PLPP1: variants seen among roughly 807,000 people sequenced by gnomAD.
The protein encoded by PLPP1 is lipid phosphate phosphohydrolase 1a.
A neutral mutation model predicts 31.2 loss-of-function variants in PLPP1; 24 were observed. The observed-to-expected ratio is 0.77, with a 90% confidence interval of 0.56 to 1.08. PLPP1 has a LOEUF of 1.08. Among genes scored for constraint, PLPP1 ranks in the 50% least tolerant of loss-of-function variants. The probability of loss-of-function intolerance (pLI) is 0.00; values close to 1 mark genes in which losing one functional copy is unlikely to be tolerated. For missense variants in PLPP1, 319 were observed against 342.7 expected, an observed-to-expected ratio of 0.93 and a Z score of 0.55; for synonymous variants, 146 against 126.3, an observed-to-expected ratio of 1.16 and a Z score of -1.05.
chr5:55,467,417 G>A lies in PLPP1; in HGVS notation c.491+452C>T, dbSNP rs572688898. On this transcript the variant is annotated intron_variant, in intron 3 of 5. Transcript: ENST00000307259. ...ATATTTACTATTGGCTGGGTGTGGT[G>A]GCTCATGCCTGTTACCCCAGCACTT... Among the ~76,000 whole-genome samples, 21 of 152,040 alleles carry A rather than the reference G, an allele frequency of 1.4e-4. No homozygotes were observed. In the East Asian group the frequency reaches 3.9e-3, roughly 28 times the overall value.
chr5:55,513,470 C>A (rs1422017959), intron 1 of PLPP1, among the ~76,000 whole-genome samples: 1 of 151,934 alleles, frequency 6.6e-6, no homozygotes, highest in Non-Finnish European at 1.5e-5. Context: ...CAGGGTTTCA[C>A]CATGTTGTCC....
chr5:55,476,190 G>GT (rs1752547463), intron 1 of PLPP1, among the ~76,000 whole-genome samples: 1 of 151,276 alleles, frequency 6.6e-6, no homozygotes. Flanking sequence ...TTGTTTGTTT[G>GT]TTTTTTAGTA....
At chr5:55,443,199 A>ATATATATATG (rs1751672922) in intron 3 of PLPP1, among the ~76,000 whole-genome samples, 1 of 124,336 alleles carries the variant, frequency 8.0e-6, no homozygotes, top group Non-Finnish European at 1.7e-5. Context: ...AAAAATATAT[A>ATATATATATG]TATATATATA....
intron 3 of PLPP1, among the ~76,000 whole-genome samples, chr5:55,458,916 A>AC (rs1752088206): frequency 6.8e-6 from 1 of 146,330 alleles, no homozygotes; most frequent in South Asian, 2.2e-4. Context: ...AAAAAAAAAA[A>AC]CACATAGCAA....
At chr5:55,434,439 T>A (rs1751444266) in intron 4 of PLPP1, among the ~76,000 whole-genome samples, 1 of 151,886 alleles carries the variant, frequency 6.6e-6, no homozygotes, top group Middle Eastern at 3.4e-3. Context: ...AATCCTAAAA[T>A]TCATACAGAA....
At chr5:55,506,153 A>C (rs1010695031) in intron 1 of PLPP1, among the ~76,000 whole-genome samples, 1 of 152,158 alleles carries the variant, frequency 6.6e-6, no homozygotes, top group Admixed American at 6.5e-5. Context: ...TGAAAAATAA[A>C]GGAAAAGACT....
intron 2 of PLPP1, among the ~76,000 whole-genome samples, chr5:55,473,238 G>T (rs1285074982): frequency 6.6e-6 from 1 of 152,160 alleles, no homozygotes; most frequent in Non-Finnish European, 1.5e-5. Context: ...TAGATTAAAA[G>T]AATACCTGAT....
At position 55,495,969 on chromosome 5, in the gene PLPP1, G is replaced by A. The variant is rs953780568; in HGVS notation, c.59-20519C>T. 7.9e-5 allele frequency among the ~76,000 whole-genome samples: 12 copies of A among 151,884 alleles called. 1 individual carries two copies. Among genetic ancestry groups the A allele is most frequent in the Non-Finnish European group, 2.9e-5 (2 of 67,956 alleles). ...GCCTCCCAGTTTCAAGTGATTCTCC[G>A]ACTTCAGCCTCCTGATTAGCTGGGA... On this transcript the variant is annotated intron_variant, in intron 1 of 5. Coordinates refer to ENST00000307259, the MANE Select transcript of PLPP1 (RefSeq NM_003711.4).
intron 3 of PLPP1, among the ~76,000 whole-genome samples, chr5:55,445,350 T>C (rs1255153465): frequency 6.6e-6 from 1 of 152,036 alleles, no homozygotes; most frequent in Admixed American, 6.6e-5. Flanking sequence ...ATAAAGCATA[T>C]CTTAATTTAG....
intron 4 of PLPP1, among the ~76,000 whole-genome samples, chr5:55,439,598 C>T (rs1266036458): frequency 6.6e-6 from 1 of 152,162 alleles, no homozygotes; most frequent in African/African-American, 2.4e-5. Flanking sequence ...ATCATTTTCC[C>T]GAGTTGATAT....
intron 1 of PLPP1, among the ~76,000 whole-genome samples, chr5:55,491,416 G>C (rs995485116): frequency 6.6e-6 from 1 of 152,132 alleles, no homozygotes; most frequent in Non-Finnish European, 1.5e-5. Flanking sequence ...AAATAAAGCT[G>C]AGAAAACAGG....
At position 55,424,938 on chromosome 5, in the gene PLPP1, T is replaced by C; in HGVS notation, c.*268A>G. 1 of 633,676 alleles carries C rather than the reference T, an allele frequency of 1.6e-6. No individual in the cohort carries two copies. The highest frequency in any genetic ancestry group is 2.7e-6 in the Non-Finnish European group (1 of 370,804). 39.3% of individuals were successfully genotyped at this position (633,676 alleles called of 1,614,324 possible). ...AGCATATTACATACATGTTTATACA[T>C]AAGCATTACATTTTTTTAATAAAAA... On this transcript the variant is annotated 3_prime_UTR_variant, in exon 6 of 6. Transcript: ENST00000307259.
At chr5:55,502,343 C>T (rs2111884632) in intron 1 of PLPP1, among the ~76,000 whole-genome samples, 1 of 152,218 alleles carries the variant, frequency 6.6e-6, no homozygotes, top group Admixed American at 6.5e-5. Flanking sequence ...AAAAATTAGC[C>T]AGGCATGGTG....
chr5:55,474,009 T>G (rs893824455), intron 2 of PLPP1, among the ~76,000 whole-genome samples: 53 of 150,368 alleles, frequency 3.5e-4, no homozygotes, highest in South Asian at 6.3e-4. Context: ...TTTTTTTTTT[T>G]TTTTCCAGAC....
At chr5:55,512,468 CAAAAAAAAA>C (rs370927824) in intron 1 of PLPP1, among the ~76,000 whole-genome samples, 2 of 10,300 alleles carry the variant, frequency 1.9e-4, no homozygotes, top group African/African-American at 2.0e-4. Flanking sequence ...AAGACTGTCT[CAAAAAAAAA>C]AAAAAAGAAA....
intron 1 of PLPP1, among the ~76,000 whole-genome samples, chr5:55,505,519 T>C (rs1753255033): frequency 6.6e-6 from 1 of 152,072 alleles, no homozygotes; most frequent in Non-Finnish European, 1.5e-5. Flanking sequence ...TATCTACTAT[T>C]TGCCTGATAT....
At chr5:55,472,665 AG>A (rs201084302) in intron 2 of PLPP1, among the ~76,000 whole-genome samples, 9,762 of 63,038 alleles carry the variant, frequency 0.15, 381 homozygotes, top group Non-Finnish European at 0.23. Context: ...AAAGAGAGAG[AG>A]AGACAGAAAG....
intron 3 of PLPP1, among the ~76,000 whole-genome samples, chr5:55,445,382 G>T (rs1214684580): frequency 6.6e-6 from 1 of 152,074 alleles, no homozygotes; most frequent in Non-Finnish European, 1.5e-5. Context: ...TCAGAAGGAG[G>T]TTAAATCACA....
intron 4 of PLPP1, among the ~76,000 whole-genome samples, chr5:55,428,778 C>T (rs1282632321): frequency 6.6e-6 from 1 of 152,164 alleles, no homozygotes; most frequent in Non-Finnish European, 1.5e-5. Flanking sequence ...CTCTTCTCTC[C>T]TCCCCATACA....
Sources: gnomAD v4.1 joint callset for allele counts (sites outside exome capture counted in the v4.1 genomes callset) on GRCh38, gnomAD v4.1.1 for gene constraint, MANE v1.5 for transcripts, NCBI Gene and HGNC (gene_info 2026-07-23, HGNC 2026-07-21) for gene names.